Variants in RTN4 observed in about 807,000 individuals in gnomAD.
RTN4 encodes the protein reticulon 4, also known as reticulon-4.
RTN4 carries 32 observed loss-of-function variants against 90.4 expected under a neutral mutation model. The observed-to-expected ratio is 0.35, with a 90% CI of 0.27 to 0.48. The LOEUF is 0.48. RTN4 is among the 20% of genes least tolerant of loss of function. RTN4 has a pLI of 0.99. For synonymous variants in RTN4, 629 were observed against 552.5 expected, an observed-to-expected ratio of 1.14 and a Z score of -1.94; for missense variants, 1,706 against 1,430.2, an observed-to-expected ratio of 1.19 and a Z score of -3.11.
In RTN4 at chr2:55,109,589, A is replaced by G. The variant is rs561988069; in HGVS notation, c.-214+2931T>C. On this transcript the variant is annotated intron_variant, in intron 1 of 3. Transcript: ENST00000427710. The stretch of plus-strand genomic sequence containing the variant: ...ACTGATACTCACTTGCTATGCCCCA[A>G]TTCCCTGATTCTGCTAAAACACCTT... Among the ~76,000 whole-genome samples, 10 of 152,298 alleles carry G rather than the reference A, an allele frequency of 6.6e-5. No homozygotes were observed. In the East Asian group the frequency reaches 1.7e-3, roughly 26 times the overall value.
At chr2:55,021,398 C>T (rs994996039) in intron 3 of RTN4, among the ~76,000 whole-genome samples, 15 of 151,376 alleles carry the variant, frequency 9.9e-5, no homozygotes, top group African/African-American at 3.6e-4. Flanking sequence ...CCTGCCCCCC[C>T]CGCCAAAAAA....
At position 55,012,363 on chromosome 2, in the gene RTN4, T is replaced by C. The variant is rs3806569; in HGVS notation, c.3013+12723A>G. ...AGTTTAGTAAACATTTCAGCCTACA[T>C]AGTGACATCTACTTCTTTAATTTTT... On this transcript the variant is annotated intron_variant, in intron 3 of 8. Transcript: ENST00000337526. Among the ~76,000 whole-genome samples, 10 of 152,290 alleles carry C rather than the reference T, an allele frequency of 6.6e-5. No homozygotes were observed. The East Asian group carries it at 9.6e-4, about 15-fold the overall frequency.
At chr2:54,981,437 A>C (rs553818060) in intron 5 of RTN4, among the ~76,000 whole-genome samples, 1 of 152,344 alleles carries the variant, frequency 6.6e-6, no homozygotes, top group African/African-American at 2.4e-5. Flanking sequence ...TGGAAATGAA[A>C]AATGAAAAAT....
At chr2:55,085,616 A>G (rs1668822927) in intron 1 of RTN4, among the ~76,000 whole-genome samples, 1 of 152,240 alleles carries the variant, frequency 6.6e-6, no homozygotes, top group African/African-American at 2.4e-5. Flanking sequence ...TCACAGCAAC[A>G]TCTAGACATG....
intron 1 of RTN4, among the ~76,000 whole-genome samples, chr2:55,032,535 A>C (rs942732434): frequency 6.6e-6 from 1 of 152,224 alleles, no homozygotes; most frequent in Non-Finnish European, 1.5e-5. Context: ...TTAACTGAAA[A>C]TAATCACTAG....
intron 1 of RTN4, among the ~76,000 whole-genome samples, chr2:55,041,298 A>G (rs1683058669): frequency 6.6e-6 from 1 of 152,096 alleles, no homozygotes; most frequent in African/African-American, 2.4e-5. Flanking sequence ...AAAATACACA[A>G]TATCAACACC....
chr2:55,105,250 G>A lies in RTN4; in HGVS notation c.-214+7270C>T, dbSNP rs1293545349. Among the ~76,000 whole-genome samples, 57 of 94,036 alleles carry A rather than the reference G, an allele frequency of 6.1e-4. 1 individual carries two copies. The highest frequency in any genetic ancestry group is 2.3e-3 in the African/African-American group (54 of 23,686). 61.7% of individuals were successfully genotyped at this position (94,036 alleles called of 152,430 possible). A position where few individuals can be genotyped will look rare whatever the true frequency, so the allele number is the denominator to read the frequency against. On this transcript the variant is annotated intron_variant, in intron 1 of 3. Coordinates refer to the RTN4 transcript ENST00000427710. ...AAGTTTTTTTTTTTTTTTTTTTTGAGACAGAGTCTCACTCTGTCACCCAAG... is the reference window on the plus strand; with the variant it reads ...AAGTTTTTTTTTTTTTTTTTTTTGAAACAGAGTCTCACTCTGTCACCCAAG...
chr2:55,129,601 G>C, the RTN4 span, among the ~76,000 whole-genome samples: 2 of 151,664 alleles, frequency 1.3e-5, no homozygotes, highest in Non-Finnish European at 2.9e-5. Context: ...ATGGAGTCTC[G>C]CTCAGGCTGG....
rs1264352052 is a variant in RTN4 at position 55,047,735 on chromosome 2, G to T, written c.556+2010C>A. 3.3e-5 allele frequency among the ~76,000 whole-genome samples: 5 copies of T among 152,156 alleles called. No individual in the cohort carries two copies. The South Asian group carries it at 1.0e-3, about 32-fold the overall frequency. On this transcript the variant is annotated intron_variant, in intron 1 of 8. Transcript: ENST00000337526. ...TGGGACACTTTCTGTCCCCGAAGTAGCAAGTACTTATGAATGTATCTAATA... is the reference window on the plus strand; with the variant it reads ...TGGGACACTTTCTGTCCCCGAAGTATCAAGTACTTATGAATGTATCTAATA...
chr2:55,004,402 G>A (rs1489613987), intron 3 of RTN4, among the ~76,000 whole-genome samples: 1 of 152,028 alleles, frequency 6.6e-6, no homozygotes. Context: ...GTCCTGTGTG[G>A]GCCTGACAAA....
At chr2:55,126,096 G>A in the RTN4 span, among the ~76,000 whole-genome samples, 1 of 151,348 alleles carries the variant, frequency 6.6e-6, no homozygotes, top group Admixed American at 6.6e-5. Flanking sequence ...GGGCATGGTG[G>A]CTCATGCCTG....
At chr2:55,073,851 C>T (rs928362824) in intron 2 of RTN4, among the ~76,000 whole-genome samples, 1 of 152,196 alleles carries the variant, frequency 6.6e-6, no homozygotes, top group Non-Finnish European at 1.5e-5. Context: ...CCAGACCACT[C>T]GTTGGTTGGT....
chr2:55,046,039 A>G (rs1683399678), intron 1 of RTN4, among the ~76,000 whole-genome samples: 1 of 152,210 alleles, frequency 6.6e-6, no homozygotes, highest in Non-Finnish European at 1.5e-5. Context: ...ACAACAGCAA[A>G]CAGTAAAATT....
chr2:55,065,897 G>A lies in RTN4; in HGVS notation c.-63+14592C>T, dbSNP rs1247496651. On this transcript the variant is annotated intron_variant, in intron 2 of 3. Transcript: ENST00000427710. ...TACTCTATACTTGATTTGGATGGTG[G>A]TTACACAGTTATACACACTCATGTA... Among the ~76,000 whole-genome samples, 4 of 152,136 alleles carry A rather than the reference G, an allele frequency of 2.6e-5. No individual in the cohort carries two copies. In the East Asian group the frequency reaches 7.7e-4, roughly 29 times the overall value.
chr2:55,104,051 T>G (rs761998190), intron 1 of RTN4, among the ~76,000 whole-genome samples: 2 of 151,418 alleles, frequency 1.3e-5, no homozygotes, highest in African/African-American at 4.9e-5. Context: ...TTGTTCTTTT[T>G]ATTCACTTAT....
intron 1 of RTN4, among the ~76,000 whole-genome samples, chr2:55,036,702 A>G (rs1682716749): frequency 6.6e-6 from 1 of 152,076 alleles, no homozygotes; most frequent in African/African-American, 2.4e-5. Context: ...AGGAAAAACC[A>G]TATGATCATC....
intron 2 of RTN4, among the ~76,000 whole-genome samples, chr2:55,065,195 C>A (rs1310076712): frequency 2.0e-5 from 3 of 152,176 alleles, no homozygotes; most frequent in Non-Finnish European, 4.4e-5. Flanking sequence ...ATGCCAATAT[C>A]CAGCTTACAT....
chr2:55,128,877 T>C, the RTN4 span, among the ~76,000 whole-genome samples: 1 of 149,912 alleles, frequency 6.7e-6, no homozygotes, highest in South Asian at 2.1e-4. Context: ...AAGGCCGAGA[T>C]GGGTGGATCA....
At chr2:55,046,863 G>T (rs1667775952) in intron 1 of RTN4, 1 of 152,148 alleles carries the variant, frequency 6.6e-6, no homozygotes, top group Non-Finnish European at 1.5e-5. Context: ...TGGAATTAGG[G>T]AACTCTGTAG....
Sources: gnomAD v4.1 joint callset for allele counts (sites outside exome capture counted in the v4.1 genomes callset) on GRCh38, gnomAD v4.1.1 for gene constraint, MANE v1.5 for transcripts, NCBI Gene and HGNC (gene_info 2026-07-23, HGNC 2026-07-21) for gene names.